PCDH7: variants seen among roughly 807,000 people sequenced by gnomAD.
The protein encoded by PCDH7 is protocadherin 7.
Under a neutral mutation model 58.9 loss-of-function variants are expected in PCDH7, and 17 were observed. That is an observed-to-expected ratio of 0.29 (90% CI 0.20 to 0.43). The LOEUF (loss-of-function observed/expected upper bound fraction) is 0.43. Ranked by LOEUF, PCDH7 falls within the 20% of genes least tolerant of loss-of-function variation. The pLI is 1.00. For synonymous variants in PCDH7, 664 were observed against 616.4 expected (o/e 1.08, Z -1.14); for missense variants, 1,274 against 1,441.0 (o/e 0.88, Z 1.88).
intron 1 of PCDH7, among the ~76,000 whole-genome samples, chr4:30,771,538 A>C (rs145376354): frequency 6.6e-6 from 1 of 152,164 alleles, no homozygotes; most frequent in South Asian, 2.1e-4. Context: ...CCTAAAATCT[A>C]TTCTCCTCCT....
chr4:31,144,258 T>G (rs573428773), downstream of PCDH7: 1 of 152,318 alleles, frequency 6.6e-6, no homozygotes, highest in Admixed American at 6.5e-5. Context: ...TGAACATTAT[T>G]TAAACAAATC....
At chr4:30,950,504 T>C (rs1224604719) in intron 3 of PCDH7, among the ~76,000 whole-genome samples, 1 of 152,202 alleles carries the variant, frequency 6.6e-6, no homozygotes, top group African/African-American at 2.4e-5. Context: ...ATGGAACTTG[T>C]ATGTATGAAT....
intron 1 of PCDH7, among the ~76,000 whole-genome samples, chr4:30,785,450 A>G (rs1359009702): frequency 6.6e-6 from 1 of 152,012 alleles, no homozygotes; most frequent in Non-Finnish European, 1.5e-5. Context: ...AAATATTCCC[A>G]TATATATTAA....
chr4:30,724,097 T>G (rs1206884851), exon 1 of PCDH7: 1 of 1,613,934 alleles, frequency 6.2e-7, no homozygotes, highest in African/African-American at 1.3e-5. Flanking sequence ...ATGACGGTGA[T>G]TCTAATCATC....
chr4:30,814,205 TTG>T (rs991619754), intron 1 of PCDH7, among the ~76,000 whole-genome samples: 4 of 151,446 alleles, frequency 2.6e-5, no homozygotes, highest in African/African-American at 9.7e-5. Flanking sequence ...AAAGGTGTGT[TTG>T]TGTGTGTGTG....
rs985592914 is a variant in PCDH7 at position 30,854,266 on chromosome 4, G to A, written c.71-65887G>A. Among the ~76,000 whole-genome samples, 5 of 148,960 alleles carry A rather than the reference G, an allele frequency of 3.4e-5. No homozygotes were observed. In the Admixed American group the frequency reaches 3.4e-4, roughly 10 times the overall value. ...TCTTAGGGGCTTTCTTGTGCATTGT[G>A]GGACGTTTAACTGCATCCCTGGCCC... On this transcript the variant is annotated intron_variant, in intron 1 of 3. Transcript: ENST00000509759.
chr4:31,007,844 T>C (rs1390771515), intron 3 of PCDH7, among the ~76,000 whole-genome samples: 1 of 152,190 alleles, frequency 6.6e-6, no homozygotes, highest in East Asian at 1.9e-4. Context: ...ACAACCATGT[T>C]GTGATTACCC....
chr4:31,005,140 T>C (rs544530669), intron 3 of PCDH7, among the ~76,000 whole-genome samples: 17 of 152,214 alleles, frequency 1.1e-4, no homozygotes, highest in Non-Finnish European at 2.1e-4. Flanking sequence ...ATGGTTTATC[T>C]TGTAAAAGTG....
At chr4:30,971,461 C>T (rs887797925) in intron 3 of PCDH7, among the ~76,000 whole-genome samples, 7 of 152,086 alleles carry the variant, frequency 4.6e-5, no homozygotes, top group African/African-American at 1.7e-4. Context: ...ATAATTCTGG[C>T]TTTATTGGTA....
At position 30,927,169 on chromosome 4, in the gene PCDH7, A is replaced by G. The variant is rs536914784; in HGVS notation, c.287+6800A>G. On this transcript the variant is annotated intron_variant, in intron 2 of 3. Transcript: ENST00000509759. Reference sequence around the variant, plus strand: ...TGTGTGAATTTCAGCACTTGTTGATAATACATTTGATTGTTTTAGTTCCTT... The same window carrying G: ...TGTGTGAATTTCAGCACTTGTTGATGATACATTTGATTGTTTTAGTTCCTT... Among the ~76,000 whole-genome samples the G allele has an allele frequency of 4.5e-4, 68 of 152,264 alleles. No homozygotes were observed. In the South Asian group the frequency reaches 8.9e-3, roughly 20 times the overall value.
intron 3 of PCDH7, among the ~76,000 whole-genome samples, chr4:30,986,439 A>G (rs1343220532): frequency 6.6e-6 from 1 of 152,138 alleles, no homozygotes; most frequent in African/African-American, 2.4e-5. Context: ...CAAGGAAAAA[A>G]CCCACCTATT....
intron 3 of PCDH7, among the ~76,000 whole-genome samples, chr4:30,968,315 T>TACACAC (rs1274709576): frequency 2.3e-5 from 1 of 43,902 alleles, no homozygotes; most frequent in Admixed American, 2.5e-4. Flanking sequence ...TATATATATA[T>TACACAC]ACACTATATA....
chr4:30,954,829 A>G (rs1301134178), intron 3 of PCDH7, among the ~76,000 whole-genome samples: 1 of 152,182 alleles, frequency 6.6e-6, no homozygotes, highest in African/African-American at 2.4e-5. Context: ...TAGGTTTGCC[A>G]GGAAACTATA....
intron 1 of PCDH7, among the ~76,000 whole-genome samples, chr4:30,740,432 C>T (rs985997067): frequency 2.6e-5 from 4 of 152,126 alleles, no homozygotes; most frequent in African/African-American, 9.7e-5. Flanking sequence ...TTTTGGGAAA[C>T]ACTTCATAAA....
chr4:30,869,044 T>A (rs1468096878), intron 1 of PCDH7: 6 of 152,098 alleles, frequency 3.9e-5, no homozygotes, highest in African/African-American at 1.4e-4. Context: ...AACAACGTGT[T>A]AATCTTGGAT....
intron 1 of PCDH7, among the ~76,000 whole-genome samples, chr4:30,810,374 A>G (rs1237278382): frequency 6.6e-6 from 1 of 152,086 alleles, no homozygotes; most frequent in Non-Finnish European, 1.5e-5. Flanking sequence ...ATATAGCAAT[A>G]TGAAATAGCT....
intron 3 of PCDH7, among the ~76,000 whole-genome samples, chr4:30,964,614 CTT>C (rs5857217): frequency 1.1e-4 from 16 of 144,422 alleles, no homozygotes; most frequent in Non-Finnish European, 9.1e-5. Flanking sequence ...CACAAATGGA[CTT>C]TTTTTTTTTT....
chr4:31,026,121 C>T (rs1754400839), intron 3 of PCDH7, among the ~76,000 whole-genome samples: 1 of 152,170 alleles, frequency 6.6e-6, no homozygotes, highest in South Asian at 2.1e-4. Context: ...TTGGTACAAC[C>T]AAAATATTTG....
intron 3 of PCDH7, among the ~76,000 whole-genome samples, chr4:30,956,822 GGCTTTCTTTTGC>G (rs1747903654): frequency 6.6e-6 from 1 of 152,056 alleles, no homozygotes; most frequent in African/African-American, 2.4e-5. Context: ...GGTGAGTTGA[GGCTTTCTTTTGC>G]ATCCTTGGAT....
Sources: allele counts gnomAD v4.1 joint callset (sites outside exome capture counted in the v4.1 genomes callset), GRCh38; gene constraint gnomAD v4.1.1; transcripts MANE v1.5; gene names NCBI Gene and HGNC (gene_info 2026-07-23, HGNC 2026-07-21).